The following EPS15 variants were observed in gnomAD, a reference collection of about 807,000 sequenced individuals.
The protein encoded by EPS15 is epidermal growth factor receptor pathway substrate 15, also known as epidermal growth factor receptor substrate 15.
EPS15 carries 72 observed loss-of-function variants against 113.8 expected under a neutral mutation model. The ratio of observed to expected loss-of-function variants is 0.63; its 90% CI spans 0.52 to 0.77. EPS15 has a LOEUF of 0.77. EPS15 is among the 30% of genes least tolerant of loss of function. The probability of loss-of-function intolerance (pLI) is 0.00; values close to 1 mark genes in which losing one functional copy is unlikely to be tolerated. For synonymous variants in EPS15, 344 were observed against 363.4 expected (o/e 0.95, Z 0.61); for missense variants, 1,048 against 1,045.8 (o/e 1.00, Z -0.03).
intron 2 of EPS15, among the ~76,000 whole-genome samples, chr1:51,476,608 C>T (rs1266458318): frequency 6.6e-6 from 1 of 152,066 alleles, no homozygotes; most frequent in Non-Finnish European, 1.5e-5. Flanking sequence ...ATTAGTCTTG[C>T]TAGCGGTCTA....
At chr1:51,473,036 G>T in intron 2 of EPS15, 88 bp from the exon 3 acceptor site, 2 of 1,004,706 alleles carry the variant, frequency 2.0e-6, no homozygotes, top group South Asian at 1.3e-5. Flanking sequence ...TGTGATTTGG[G>T]ACCTGGCTTT....
At chr1:51,502,810 AC>A (rs1220757668) in intron 1 of EPS15, among the ~76,000 whole-genome samples, 1 of 151,778 alleles carries the variant, frequency 6.6e-6, no homozygotes, top group Non-Finnish European at 1.5e-5. Flanking sequence ...TCCGAAAGCA[AC>A]CTGGCCAACA....
At chr1:51,371,867 C>G (rs149164981) in intron 21 of EPS15, among the ~76,000 whole-genome samples, 23 of 152,286 alleles carry the variant, frequency 1.5e-4, no homozygotes, top group African/African-American at 4.6e-4. Context: ...GTGTCCTATA[C>G]AGATGTACCA....
intron 1 of EPS15, among the ~76,000 whole-genome samples, chr1:51,515,547 G>C (rs1002271850): frequency 1.3e-5 from 2 of 151,630 alleles, no homozygotes; most frequent in Admixed American, 1.3e-4. Flanking sequence ...ATTGCTAAAA[G>C]ACTATTTTAA....
chr1:51,457,450 C>T (rs1309369518), intron 8 of EPS15: 1 of 151,432 alleles, frequency 6.6e-6, no homozygotes, highest in African/African-American at 2.4e-5. Flanking sequence ...GTGCGAATCC[C>T]CTACCCAAAA....
Position 51,383,969 on chromosome 1 carries a change from T to C in EPS15, c.2119+10412A>G, listed in dbSNP as rs540503384. Among the ~76,000 whole-genome samples the C allele has an allele frequency of 2.6e-5, 4 of 152,220 alleles. No individual in the cohort carries two copies. The East Asian group carries it at 5.8e-4, about 22-fold the overall frequency. On this transcript the variant is annotated intron_variant, in intron 21 of 24. Coordinates refer to ENST00000371733, the MANE Select transcript of EPS15 (RefSeq NM_001981.3). ...ACAATGAACAATCTGGAAAGGAAATTAAGAAAACAATTCCATTTACAACAG... is the reference window on the plus strand; with the variant it reads ...ACAATGAACAATCTGGAAAGGAAATCAAGAAAACAATTCCATTTACAACAG...
chr1:51,415,796 CAAAAAAAAAAAAAAAAAAAA>C (rs55806131), intron 13 of EPS15, among the ~76,000 whole-genome samples: 6 of 21,928 alleles, frequency 2.7e-4, no homozygotes, highest in Non-Finnish European at 4.0e-4. Flanking sequence ...AACTCCGTCT[CAAAAAAAAAAAAAAAAAAAA>C]AAAAAAAAAA....
chr1:51,379,507 T>C (rs1449154816), intron 21 of EPS15, among the ~76,000 whole-genome samples: 2 of 152,194 alleles, frequency 1.3e-5, no homozygotes, highest in Admixed American at 1.3e-4. Context: ...AAAAAAACAC[T>C]GTCAACTGAG....
At chr1:51,361,103 G>T in intron 24 of EPS15, 68 bp downstream of exon 24, 1 of 1,180,126 alleles carries the variant, frequency 8.5e-7, no homozygotes, top group Non-Finnish European at 1.2e-6. Flanking sequence ...AAACTTGGCA[G>T]ACTCCAAAAT....
chr1:51,425,475 A>C (rs1413463228), intron 12 of EPS15, among the ~76,000 whole-genome samples: 1 of 152,172 alleles, frequency 6.6e-6, no homozygotes, highest in Non-Finnish European at 1.5e-5. Context: ...CTTTTTTCCT[A>C]AACAGCAGCA....
At chr1:51,496,784 T>C (rs941936084) in intron 1 of EPS15, among the ~76,000 whole-genome samples, 24 of 152,194 alleles carry the variant, frequency 1.6e-4, no homozygotes, top group Non-Finnish European at 3.1e-4. Flanking sequence ...TCCATTATAG[T>C]CAGAACTTGA....
intron 2 of EPS15, among the ~76,000 whole-genome samples, chr1:51,476,000 G>T (rs560495413): frequency 3.3e-5 from 5 of 152,094 alleles, no homozygotes; most frequent in African/African-American, 1.2e-4. Flanking sequence ...TAGATGTGTG[G>T]TATTATTTCT....
At chr1:51,372,349 T>A in intron 21 of EPS15, 1 of 535,492 alleles carries the variant, frequency 1.9e-6, no homozygotes, top group Non-Finnish European at 3.8e-6. Flanking sequence ...ATCAGCAAGG[T>A]TGGAAACCAG....
At chr1:51,380,757 A>G (rs947808561) in intron 21 of EPS15, among the ~76,000 whole-genome samples, 5 of 152,090 alleles carry the variant, frequency 3.3e-5, no homozygotes, top group South Asian at 2.1e-4. Context: ...AAACTGGTAG[A>G]AAAAAAATGC....
At chr1:51,375,054 T>C (rs1265308462) in intron 21 of EPS15, among the ~76,000 whole-genome samples, 1 of 136,950 alleles carries the variant, frequency 7.3e-6, no homozygotes, top group Non-Finnish European at 1.5e-5. Flanking sequence ...CAGGCTGGAG[T>C]GCAGTGGTGC....
chr1:51,477,662 C>T (rs370087162), intron 2 of EPS15, among the ~76,000 whole-genome samples: 1 of 152,170 alleles, frequency 6.6e-6, no homozygotes, highest in South Asian at 2.1e-4. Context: ...TGTCTTTGTT[C>T]TCGTTGGTTT....
At chr1:51,504,753 A>G (rs756262919) in intron 1 of EPS15, among the ~76,000 whole-genome samples, 4 of 152,334 alleles carry the variant, frequency 2.6e-5, no homozygotes, top group Middle Eastern at 6.8e-3. Context: ...GCTAATAACA[A>G]TTACTGGAGA....
chr1:51,355,430 C>T lies in EPS15; in HGVS notation c.*1270G>A. ...ACAAAATTAAAATGACAAGTTACAG[C>T]TTACTTCACAGTCTATTTCAAATTC... On this transcript the variant is annotated 3_prime_UTR_variant, in exon 25 of 25. Coordinates refer to ENST00000371733, the MANE Select transcript of EPS15 (RefSeq NM_001981.3). 5.0e-6 allele frequency: 1 copy of T among 200,052 alleles called. No individual in the cohort carries two copies. Among genetic ancestry groups the T allele is most frequent in the East Asian group, 7.8e-5 (1 of 12,824 alleles). The allele number at this position is 200,052 out of a possible 1,614,324, so 12.4% of individuals were successfully genotyped here.
intron 14 of EPS15, among the ~76,000 whole-genome samples, chr1:51,409,082 A>G (rs1557440586): frequency 6.6e-6 from 1 of 152,088 alleles, no homozygotes; most frequent in East Asian, 1.9e-4. Context: ...CACTGCACCC[A>G]ACCAGCTTTC....
Sources: gnomAD v4.1 joint callset for allele counts (sites outside exome capture counted in the v4.1 genomes callset) on GRCh38, gnomAD v4.1.1 for gene constraint, MANE v1.5 for transcripts, NCBI Gene and HGNC (gene_info 2026-07-23, HGNC 2026-07-21) for gene names.